The following DHX38 variants were observed in gnomAD, a reference collection of about 807,000 sequenced individuals.
DHX38 encodes pre-mRNA-splicing factor ATP-dependent RNA helicase PRP16.
DHX38 carries 100 observed loss-of-function variants against 153.1 expected under a neutral mutation model. That is an observed-to-expected ratio of 0.65 (90% CI 0.56 to 0.77). The LOEUF (loss-of-function observed/expected upper bound fraction) is 0.77. DHX38 is among the 30% of genes least tolerant of loss of function. DHX38 has a pLI of 0.00. For synonymous variants in DHX38, 650 were observed against 631.7 expected, an observed-to-expected ratio of 1.03 and a Z score of -0.43; for missense variants, 1,440 against 1,654.0, an observed-to-expected ratio of 0.87 and a Z score of 2.24.
In DHX38 at chr16:72,096,287, C is replaced by G. The variant is rs755424304; in HGVS notation, c.130C>G (p.Pro44Ala). ...GCAGCATGTCTTCAAGGCTCCTGCT[C>G]CCCGCCCTTCATTACTCGGACTGGA... ...SEQHVFKAPA[P>A]RPSLLGLDLL... is the part of the protein sequence containing the mutation. Residue 44 changes from proline to alanine, a missense_variant, in exon 2 of 27, where the codon CCC becomes GCC. Transcript: ENST00000268482. 2.5e-6 allele frequency: 4 copies of G among 1,614,174 alleles called. No individual in the cohort carries two copies. The highest frequency in any genetic ancestry group is 3.4e-6 in the Non-Finnish European group (4 of 1,180,026).
intron 1 of DHX38, among the ~76,000 whole-genome samples, chr16:72,095,147 G>T (rs552239418): frequency 2.0e-5 from 3 of 152,354 alleles, no homozygotes; most frequent in African/African-American, 7.2e-5. Flanking sequence ...GGAATGAGAG[G>T]AATTATCCAA....
chr16:72,101,388 C>T, intron 10 of DHX38, 112 bp from the exon 11 acceptor site: 1 of 1,216,452 alleles, frequency 8.2e-7, no homozygotes, highest in Non-Finnish European at 1.2e-6. Context: ...GCCACCAGCA[C>T]TCTGGGGGAG....
At chr16:72,109,712 CA>C (rs1007166284) in intron 25 of DHX38, 17 of 449,248 alleles carry the variant, frequency 3.8e-5, no homozygotes, top group Non-Finnish European at 6.6e-5. Flanking sequence ...AAAACAAAAC[CA>C]AAAAACTCAT....
chr16:72,095,281 C>T (rs2041995213), intron 1 of DHX38, among the ~76,000 whole-genome samples: 1 of 152,236 alleles, frequency 6.6e-6, no homozygotes, highest in African/African-American at 2.4e-5. Flanking sequence ...ACACCTTTTC[C>T]TAACCTGGTG....
At chr16:72,105,757 C>A in intron 18 of DHX38, 133 bp downstream of exon 18, 1 of 838,292 alleles carries the variant, frequency 1.2e-6, no homozygotes, top group Non-Finnish European at 2.0e-6. Context: ...TGGTGGGAGG[C>A]TCACATTGAC....
chr16:72,105,190 G>C (rs200098000), intron 16 of DHX38, 42 bp from the exon 17 acceptor site: 47 of 1,613,650 alleles, frequency 2.9e-5, no homozygotes, highest in Admixed American at 5.0e-5. Context: ...CATATGAGAG[G>C]TTAGGGTTCC....
At chr16:72,101,343 G>C in intron 10 of DHX38, 150 bp downstream of exon 10, 1 of 1,165,586 alleles carries the variant, frequency 8.6e-7, no homozygotes, top group Non-Finnish European at 1.2e-6. Flanking sequence ...GGTGTTGGGA[G>C]AGCTGGAGGC....
At chr16:72,097,390 T>A (rs531042365) in intron 3 of DHX38, 3 of 447,280 alleles carry the variant, frequency 6.7e-6, no homozygotes, top group African/African-American at 3.9e-5. Context: ...TTATAGCTGA[T>A]AGAATTGTAA....
At position 72,111,083 on chromosome 16, in the gene DHX38, C is replaced by T. The variant is rs375423003; in HGVS notation, c.3599+6C>T. ...AGCCCCCTGGGCAGTGTCAGGTGAG[C>T]TCCGGCCTTCGGGCTCTGGCTGGGG... On this transcript the variant is annotated splice_donor_region_variant and intron_variant, in intron 26 of 26. Coordinates refer to ENST00000268482, the MANE Select transcript of DHX38 (RefSeq NM_014003.4). 7.7e-6 allele frequency: 12 copies of T among 1,553,032 alleles called. No individual in the cohort carries two copies. The highest frequency in any genetic ancestry group is 2.7e-5 in the African/African-American group (2 of 73,330).
At chr16:72,097,920 C>A in intron 4 of DHX38, 139 bp downstream of exon 4, 1 of 860,314 alleles carries the variant, frequency 1.2e-6, no homozygotes, top group Non-Finnish European at 1.9e-6. Context: ...ATAGTTGGTT[C>A]TGAGTCAGGT....
rs1317792592 is a variant in DHX38 at position 72,096,932 on chromosome 16, A to G, written c.434A>G (p.Tyr145Cys). Reference protein sequence around the residue: ...RERERREHGVYASSKEEKDWK... With the variant: ...RERERREHGVCASSKEEKDWK... Reference sequence around the variant, plus strand: ...CGGGAGCGGCGGGAACATGGTGTCTATGCCTCGTCCAAAGAAGAAAAGGAT... The same window carrying G: ...CGGGAGCGGCGGGAACATGGTGTCTGTGCCTCGTCCAAAGAAGAAAAGGAT... Residue 145 changes from tyrosine (Y) to cysteine (C), a missense_variant, in exon 3 of 27, where the codon TAT (tyrosine) becomes TGT (cysteine). By Grantham distance (194) the Tyr-to-Cys change is radical. This residue lies in a region of DHX38 where 483 missense variants were observed against 465.1 expected (regional missense o/e 1.04). Coordinates refer to ENST00000268482, the MANE Select transcript of DHX38 (RefSeq NM_014003.4). The G allele has an allele frequency of 1.2e-6, 2 of 1,614,068 alleles. No homozygotes were observed. Among genetic ancestry groups the G allele is most frequent in the Admixed American group, 1.7e-5 (1 of 60,026 alleles).
chr16:72,109,827 C>A, intron 25 of DHX38: 1 of 215,610 alleles, frequency 4.6e-6, no homozygotes. Flanking sequence ...TTCAATTTCA[C>A]TATTCCTACC....
At chr16:72,097,463 T>A in intron 3 of DHX38, 1 of 522,132 alleles carries the variant, frequency 1.9e-6, no homozygotes, top group Non-Finnish European at 3.4e-6. Flanking sequence ...TGCTGGAAAA[T>A]AACTGTTACT....
intron 21 of DHX38, 129 bp from the exon 22 acceptor site, chr16:72,108,098 G>C (rs990609452): frequency 8.7e-7 from 1 of 1,150,756 alleles, no homozygotes; most frequent in African/African-American, 1.6e-5. Flanking sequence ...TTCTCAAATT[G>C]TCAGGGCAAC....
rs751635490 is a variant in DHX38 at position 72,103,164 on chromosome 16, G to C, written c.1590G>C (p.Gln530His). The change falls in exon 12 of 27, where the codon CAG becomes CAC. Residue 530 changes from glutamine (Q) to histidine (H), a missense_variant. Around this residue, in one of 6 missense-constraint regions of DHX38, gnomAD observed 241 missense variants for 229.5 expected, o/e 1.05. Transcript: ENST00000268482. ...AGAAGTCCATCCTGGAGCAGAGGCA[G>C]TACCTGCCCATCTTTGCAGTGCAGC... is the stretch of plus-strand genomic sequence containing the variant. ...AKKKSILEQR[Q>H]YLPIFAVQQE... 3 of 1,614,128 alleles carry C rather than the reference G, an allele frequency of 1.9e-6. No homozygotes were observed. In the African/African-American group the frequency reaches 4.0e-5, roughly 22 times the overall value.
intron 4 of DHX38, among the ~76,000 whole-genome samples, chr16:72,098,444 A>G (rs2042050953): frequency 6.6e-6 from 1 of 152,194 alleles, no homozygotes; most frequent in South Asian, 2.1e-4. Flanking sequence ...AAAAAAGAAA[A>G]AAAGGAAAAA....
At chr16:72,102,774 T>G (rs570032387) in intron 11 of DHX38, among the ~76,000 whole-genome samples, 7 of 152,356 alleles carry the variant, frequency 4.6e-5, no homozygotes, top group Admixed American at 4.6e-4. Flanking sequence ...TCCACTCCTC[T>G]TCTGCTCACT....
At chr16:72,099,427 G>C (rs763973583) in intron 7 of DHX38, 147 bp downstream of exon 7, 1 of 771,652 alleles carries the variant, frequency 1.3e-6, no homozygotes, top group East Asian at 2.7e-5. Flanking sequence ...AGGCATAGAC[G>C]GCACGGTGAA....
chr16:72,111,610 G>T (rs895607329), intron 26 of DHX38, among the ~76,000 whole-genome samples: 2 of 152,210 alleles, frequency 1.3e-5, no homozygotes, highest in Non-Finnish European at 2.9e-5. Flanking sequence ...TACCAAAAAG[G>T]TACAAATTAG....
Sources: allele counts gnomAD v4.1 joint callset (sites outside exome capture counted in the v4.1 genomes callset), GRCh38; gene constraint gnomAD v4.1.1; regional missense constraint gnomAD v4.1.1; transcripts MANE v1.5; gene names NCBI Gene and HGNC (gene_info 2026-07-23, HGNC 2026-07-21).